Variants in ECE1 observed in about 807,000 individuals in gnomAD.
ECE1 encodes the protein endothelin-converting enzyme 1.
Under a neutral mutation model 98.6 loss-of-function variants are expected in ECE1, and 35 were observed. The ratio of observed to expected loss-of-function variants is 0.35; its 90% CI spans 0.27 to 0.47. The LOEUF is 0.47. ECE1 is among the 20% of genes least tolerant of loss of function. The pLI is 1.00. For synonymous variants in ECE1, 394 were observed against 407.1 expected (o/e 0.97, Z 0.39); for missense variants, 814 against 1,025.3 (o/e 0.79, Z 2.81).
chr1:21,271,349 T>C (rs191891140), intron 4 of ECE1, among the ~76,000 whole-genome samples: 18 of 152,336 alleles, frequency 1.2e-4, no homozygotes, highest in African/African-American at 4.1e-4. Context: ...TTGCCTTAAA[T>C]TGTTAATTGT....
Position 21,233,526 on chromosome 1 carries a change from G to T in ECE1, c.1670+32C>A. On this transcript the variant is annotated intron_variant, in intron 14 of 18. Coordinates refer to ENST00000374893, the MANE Select transcript of ECE1 (RefSeq NM_001397.3). This position sits in a 1 kb window ranked among gnomAD's most constrained non-coding sequence, Gnocchi z 4.0. ...AGGCTTGCCCACAGGTGGGGAGCTGGCACCTTGCCGGCAGGGCCTGGGGGA... is the reference window on the plus strand; with the variant it reads ...AGGCTTGCCCACAGGTGGGGAGCTGTCACCTTGCCGGCAGGGCCTGGGGGA... The T allele has an allele frequency of 1.9e-6, 3 of 1,602,508 alleles. No homozygotes were observed. The highest frequency in any genetic ancestry group is 2.6e-6 in the Non-Finnish European group (3 of 1,171,026).
At chr1:21,242,211 T>C (rs1424967574) in intron 10 of ECE1, among the ~76,000 whole-genome samples, 5 of 152,162 alleles carry the variant, frequency 3.3e-5, no homozygotes, top group Admixed American at 3.3e-4. Context: ...CCTGCCCCAG[T>C]GAGGCAATCT....
intron 17 of ECE1, among the ~76,000 whole-genome samples, chr1:21,224,615 G>T (rs758731878): frequency 6.6e-6 from 1 of 152,048 alleles, no homozygotes; most frequent in South Asian, 2.1e-4. Flanking sequence ...TACTGCCGTG[G>T]TTGGGAGGAA....
At chr1:21,283,085 G>A (rs1190942467) in intron 2 of ECE1, among the ~76,000 whole-genome samples, 4 of 151,518 alleles carry the variant, frequency 2.6e-5, no homozygotes, top group Non-Finnish European at 4.4e-5. Context: ...GGGACTACAG[G>A]CACATGCCAC....
intron 1 of ECE1, among the ~76,000 whole-genome samples, chr1:21,341,885 G>A (rs1043580843): frequency 2.0e-5 from 3 of 151,326 alleles, no homozygotes; most frequent in East Asian, 1.9e-4. Flanking sequence ...TGATCCTCTC[G>A]CCTCGCCCCC....
chr1:21,335,204 A>T (rs1335184482), intron 1 of ECE1, among the ~76,000 whole-genome samples: 3 of 144,636 alleles, frequency 2.1e-5, no homozygotes, highest in African/African-American at 7.8e-5. Context: ...CCCCCTCCTC[A>T]ACCTTCATGT....
chr1:21,343,590 C>T (rs1198436700), intron 1 of ECE1, among the ~76,000 whole-genome samples: 2 of 152,234 alleles, frequency 1.3e-5, no homozygotes, highest in Non-Finnish European at 2.9e-5. Context: ...TTATCTCACC[C>T]TTTGGAGGTA....
intron 1 of ECE1, among the ~76,000 whole-genome samples, chr1:21,329,392 T>C (rs966873989): frequency 4.6e-5 from 7 of 152,218 alleles, no homozygotes; most frequent in African/African-American, 1.7e-4. Flanking sequence ...GAAAGGGGCG[T>C]GGCCTTCATA....
chr1:21,232,367 T>G (rs1164228252), intron 14 of ECE1, among the ~76,000 whole-genome samples: 1 of 151,976 alleles, frequency 6.6e-6, no homozygotes, highest in African/African-American at 2.4e-5. Context: ...GGCATGATCT[T>G]GACTCACTGC....
In ECE1 at chr1:21,279,101, C is replaced by T. The variant is rs28367940; in HGVS notation, c.280+90G>A. The T allele has an allele frequency of 3.5e-4, 563 of 1,606,774 alleles. 2 individuals carry two copies. In the African/African-American group the frequency reaches 5.9e-3, roughly 17 times the overall value. On this transcript the variant is annotated intron_variant, in intron 3 of 18. Coordinates refer to ENST00000374893, the MANE Select transcript of ECE1 (RefSeq NM_001397.3). ...CCTCCTTAGCCTCAGAGCCCTGCCC[C>T]GGCTTAAGCAGGGAAGCCCCCCTCG...
chr1:21,298,557 C>T, intron 1 of ECE1: 1 of 357,322 alleles, frequency 2.8e-6, no homozygotes, highest in Non-Finnish European at 5.6e-6. Flanking sequence ...AGGCCTCAGC[C>T]CAGTGCCTAG....
intron 1 of ECE1, among the ~76,000 whole-genome samples, chr1:21,305,332 C>G (rs1217550218): frequency 6.6e-6 from 1 of 152,160 alleles, no homozygotes; most frequent in Non-Finnish European, 1.5e-5. Flanking sequence ...CAGTGCTTGA[C>G]AGAGAGCAGG....
rs774087220 is a variant in ECE1, at chr1:21,233,579, C to T, written c.1649G>A (p.Arg550Lys). Reference protein sequence around the residue: ...FSWRVTADQLRKAPNRDQWSM... With the variant: ...FSWRVTADQLKKAPNRDQWSM... Reference sequence around the variant, plus strand: ...TCACTGATCTCTGTTGGGGGCTTTCCTGAGCTGATCGGCAGTGACCCTCCA... The same window carrying T: ...TCACTGATCTCTGTTGGGGGCTTTCTTGAGCTGATCGGCAGTGACCCTCCA... Residue 550 changes from arginine to lysine, a missense_variant, in exon 14 of 19, where the codon AGG (arginine) becomes AAG (lysine). Transcript: ENST00000374893. The surrounding 1 kb of genome is among the most constrained non-coding windows in gnomAD (Gnocchi z 4.0). 1 of 1,613,768 alleles carries T rather than the reference C, an allele frequency of 6.2e-7. No homozygotes were observed. The highest frequency in any genetic ancestry group is 1.1e-5 in the South Asian group (1 of 91,060).
chr1:21,311,272 TGCAGGAATGTTCATA>T (rs1265264738), intron 1 of ECE1, among the ~76,000 whole-genome samples: 1 of 152,098 alleles, frequency 6.6e-6, no homozygotes, highest in African/African-American at 2.4e-5. Flanking sequence ...TTGCCCAACA[TGCAGGAATGTTCATA>T]GCATCTGTGC....
intron 3 of ECE1, among the ~76,000 whole-genome samples, chr1:21,275,033 G>T (rs1328743934): frequency 6.6e-6 from 1 of 152,146 alleles, no homozygotes; most frequent in Non-Finnish European, 1.5e-5. Flanking sequence ...TGAGTATTAC[G>T]ATATAACTCC....
chr1:21,316,429 G>GAGCTAAT (rs1175604744), intron 1 of ECE1, among the ~76,000 whole-genome samples: 4 of 151,298 alleles, frequency 2.6e-5, no homozygotes, highest in Non-Finnish European at 4.4e-5. Flanking sequence ...CCACCACACT[G>GAGCTAAT]AGCTAATTTT....
intron 2 of ECE1, among the ~76,000 whole-genome samples, chr1:21,285,681 C>T (rs1285090265): frequency 2.8e-5 from 4 of 143,930 alleles, no homozygotes; most frequent in Admixed American, 1.4e-4. Flanking sequence ...CAGAGCAAGA[C>T]CCTGCCTCAA....
chr1:21,232,541 C>A (rs1275669676), intron 14 of ECE1, among the ~76,000 whole-genome samples: 1 of 152,120 alleles, frequency 6.6e-6, no homozygotes, highest in Admixed American at 6.6e-5. Context: ...CTCAAGCGAT[C>A]TGCCCACCTC....
chr1:21,273,448 G>A (rs1294429210), intron 3 of ECE1, among the ~76,000 whole-genome samples: 2 of 151,868 alleles, frequency 1.3e-5, no homozygotes, highest in Non-Finnish European at 2.9e-5. Context: ...AATTCAGTTG[G>A]GGATATACAC....
Sources: gnomAD v4.1 joint callset for allele counts (sites outside exome capture counted in the v4.1 genomes callset) on GRCh38, gnomAD v4.1.1 for gene constraint, Gnocchi (gnomAD v3.1) non-coding constraint, MANE v1.5 for transcripts, NCBI Gene and HGNC (gene_info 2026-07-23, HGNC 2026-07-21) for gene names.